The following DENND5B variants were observed in gnomAD, a reference collection of about 807,000 sequenced individuals.
DENND5B encodes the protein DENN domain containing 5B, also known as DENN domain-containing protein 5B.
DENND5B carries 34 observed loss-of-function variants against 140.6 expected under a neutral mutation model. That is an observed-to-expected ratio of 0.24 (90% CI 0.18 to 0.32). The LOEUF is 0.32. Ranked by LOEUF, DENND5B falls within the 10% of genes least tolerant of loss-of-function variation. The probability of loss-of-function intolerance (pLI) is 1.00; values close to 1 mark genes in which losing one functional copy is unlikely to be tolerated. For missense variants in DENND5B, 1,142 were observed against 1,560.2 expected (o/e 0.73, Z 4.52); for synonymous variants, 551 against 562.1 (o/e 0.98, Z 0.28).
chr12:31,433,750 G>A (rs1330354542), intron 7 of DENND5B, among the ~76,000 whole-genome samples: 1 of 152,146 alleles, frequency 6.6e-6, no homozygotes, highest in African/African-American at 2.4e-5. Flanking sequence ...TATCCAACTT[G>A]ACTAGTTGCA....
chr12:31,405,082 CTTTTG>C (rs1263398056), intron 14 of DENND5B, among the ~76,000 whole-genome samples: 4 of 151,402 alleles, frequency 2.6e-5, no homozygotes, highest in Admixed American at 1.3e-4. Context: ...TTTAATTGTT[CTTTTG>C]TTGAGACAGC....
chr12:31,495,990 A>G, intron 1 of DENND5B, 71 bp from the exon 2 acceptor site: 1 of 1,073,462 alleles, frequency 9.3e-7, no homozygotes, highest in Non-Finnish European at 1.4e-6. Flanking sequence ...TATTTATTTT[A>G]TAGTCCTACT....
At chr12:31,483,131 T>C (rs1483631765) in intron 2 of DENND5B, among the ~76,000 whole-genome samples, 1 of 152,214 alleles carries the variant, frequency 6.6e-6, no homozygotes, top group Non-Finnish European at 1.5e-5. Context: ...TTGTGGCAGA[T>C]ATAGCTCCAA....
intron 15 of DENND5B, among the ~76,000 whole-genome samples, chr12:31,400,306 A>G (rs977528667): frequency 3.3e-5 from 5 of 152,210 alleles, no homozygotes; most frequent in Admixed American, 2.0e-4. Context: ...TTCTGTTCCA[A>G]TAAGATACTA....
intron 3 of DENND5B, among the ~76,000 whole-genome samples, chr12:31,473,472 T>C (rs778950039): frequency 9.2e-5 from 14 of 152,182 alleles, no homozygotes; most frequent in Admixed American, 2.0e-4. Context: ...TAATTGGACA[T>C]GCTAAATGGG....
At chr12:31,411,498 C>T (rs1021237521) in intron 13 of DENND5B, among the ~76,000 whole-genome samples, 1 of 151,904 alleles carries the variant, frequency 6.6e-6, no homozygotes, top group African/African-American at 2.4e-5. Flanking sequence ...GCATGCGCCA[C>T]GACACCCAGC....
chr12:31,501,083 C>G (rs529942900), intron 1 of DENND5B, among the ~76,000 whole-genome samples: 1 of 152,172 alleles, frequency 6.6e-6, no homozygotes, highest in Non-Finnish European at 1.5e-5. Context: ...AGAAAAAAGA[C>G]TGATATGGTT....
At chr12:31,579,477 A>ATT (rs1950136413) in intron 1 of DENND5B, among the ~76,000 whole-genome samples, 2 of 152,076 alleles carry the variant, frequency 1.3e-5, no homozygotes, top group South Asian at 4.1e-4. Flanking sequence ...CCTGGCCAAC[A>ATT]AGCTGAAACC....
At chr12:31,505,136 C>T (rs1947148013) in intron 1 of DENND5B, among the ~76,000 whole-genome samples, 1 of 152,058 alleles carries the variant, frequency 6.6e-6, no homozygotes, top group African/African-American at 2.4e-5. Flanking sequence ...GACTATAATA[C>T]TAACCCCTGA....
At chr12:31,455,415 A>G (rs1222463379) in intron 4 of DENND5B, among the ~76,000 whole-genome samples, 1 of 152,198 alleles carries the variant, frequency 6.6e-6, no homozygotes, top group Non-Finnish European at 1.5e-5. Flanking sequence ...ATGTCTGCTT[A>G]AGAAGGGCCC....
chr12:31,481,912 A>T (rs1757546984), intron 2 of DENND5B, among the ~76,000 whole-genome samples: 1 of 152,174 alleles, frequency 6.6e-6, no homozygotes, highest in Admixed American at 6.5e-5. Context: ...AGGGAGTGAG[A>T]GGCTAGAGGA....
At chr12:31,507,347 TTCTTGGCCTCAAAC>T (rs1460070924) in intron 1 of DENND5B, among the ~76,000 whole-genome samples, 2 of 152,254 alleles carry the variant, frequency 1.3e-5, no homozygotes, top group Non-Finnish European at 2.9e-5. Flanking sequence ...ATAAAAATGT[TTCTTGGCCTCAAAC>T]TCTTGGCCTC....
intron 3 of DENND5B, among the ~76,000 whole-genome samples, chr12:31,466,466 G>A (rs752686886): frequency 7.2e-5 from 11 of 152,022 alleles, no homozygotes; most frequent in South Asian, 6.2e-4. Context: ...GCCACGGCGC[G>A]TGGATCACTT....
intron 1 of DENND5B, among the ~76,000 whole-genome samples, chr12:31,589,439 G>A (rs1950522136): frequency 1.3e-5 from 2 of 151,838 alleles, no homozygotes; most frequent in South Asian, 4.2e-4. Flanking sequence ...AATGTTTTGT[G>A]TTTCTACCTC....
chr12:31,442,938 T>A lies in DENND5B; in HGVS notation c.1862-13A>T. On this transcript the variant is annotated splice_polypyrimidine_tract_variant and intron_variant, in intron 6 of 20. Coordinates refer to ENST00000389082, the MANE Select transcript of DENND5B (RefSeq NM_144973.4). ...TCAATTGATTGGGCTATAAATTAAATTTATAATAAATTAGAGACATTTCAT... is the reference window on the plus strand; with the variant it reads ...TCAATTGATTGGGCTATAAATTAAAATTATAATAAATTAGAGACATTTCAT... 1.3e-6 allele frequency: 2 copies of A among 1,546,838 alleles called. No homozygotes were observed. Among genetic ancestry groups the A allele is most frequent in the Non-Finnish European group, 1.7e-6 (2 of 1,145,324 alleles).
Position 31,455,749 on chromosome 12 carries a change from T to C in DENND5B, c.1093-3273A>G, listed in dbSNP as rs191923837. 2.4e-4 allele frequency among the ~76,000 whole-genome samples: 37 copies of C among 152,164 alleles called. No homozygotes were observed. In the East Asian group the frequency reaches 6.2e-3, roughly 25 times the overall value. ...AAAAACAACAAAAGTGGGCTGGGCATGGTGGCTCATGCCTGTAATCCCAGC... is the reference window on the plus strand; with the variant it reads ...AAAAACAACAAAAGTGGGCTGGGCACGGTGGCTCATGCCTGTAATCCCAGC... On this transcript the variant is annotated intron_variant, in intron 4 of 20. Coordinates refer to ENST00000389082, the MANE Select transcript of DENND5B (RefSeq NM_144973.4).
intron 1 of DENND5B, chr12:31,500,667 G>T (rs1946967984): frequency 9.2e-6 from 1 of 109,160 alleles, no homozygotes; most frequent in African/African-American, 3.3e-5. Flanking sequence ...ATGACAAAGT[G>T]AGACTGTCAC....
At chr12:31,388,630 T>C (rs1042562206) in intron 20 of DENND5B, among the ~76,000 whole-genome samples, 4 of 151,990 alleles carry the variant, frequency 2.6e-5, no homozygotes, top group Non-Finnish European at 5.9e-5. Flanking sequence ...AAATACTACA[T>C]GGGTAACTTA....
At chr12:31,571,203 T>C (rs913841348) in intron 1 of DENND5B, among the ~76,000 whole-genome samples, 1 of 152,204 alleles carries the variant, frequency 6.6e-6, no homozygotes, top group African/African-American at 2.4e-5. Context: ...AACCAGATTT[T>C]TCCATCAGAG....
Sources: gnomAD v4.1 joint callset for allele counts (sites outside exome capture counted in the v4.1 genomes callset) on GRCh38, gnomAD v4.1.1 for gene constraint, MANE v1.5 for transcripts, NCBI Gene and HGNC (gene_info 2026-07-23, HGNC 2026-07-21) for gene names.